The following VAC14 variants were observed in gnomAD, a reference collection of about 807,000 sequenced individuals.
VAC14 encodes the protein VAC14 component of PIKFYVE complex, also known as protein VAC14 homolog.
VAC14 carries 47 observed loss-of-function variants against 85.3 expected under a neutral mutation model. That is an observed-to-expected ratio of 0.55 (90% CI 0.44 to 0.70). VAC14 has a LOEUF of 0.70. Ranked by LOEUF, VAC14 falls within the 30% of genes least tolerant of loss-of-function variation. The pLI is 0.00. For synonymous variants in VAC14, 447 were observed against 430.5 expected (o/e 1.04, Z -0.47); for missense variants, 861 against 1,004.3 (o/e 0.86, Z 1.93).
chr16:70,695,473 T>C, intron 17 of VAC14, 71 bp downstream of exon 17: 1 of 1,522,204 alleles, frequency 6.6e-7, no homozygotes, highest in Non-Finnish European at 9.1e-7. Context: ...AACTGGAGCT[T>C]GACTTCACCC....
intron 13 of VAC14, among the ~76,000 whole-genome samples, chr16:70,744,204 A>G (rs935025152): frequency 6.6e-6 from 1 of 152,144 alleles, no homozygotes; most frequent in African/African-American, 2.4e-5. Flanking sequence ...ATGCAGAGAA[A>G]GTCCTGTGAG....
At position 70,722,748 on chromosome 16, in the gene VAC14, T is replaced by C. The variant is rs116062687; in HGVS notation, c.1661+8747A>G. Among the ~76,000 whole-genome samples, 1,127 of 152,296 alleles carry C rather than the reference T, an allele frequency of 7.4e-3. 15 individuals carry two copies. The highest frequency in any genetic ancestry group is 0.026 in the African/African-American group (1,076 of 41,550). The stretch of plus-strand genomic sequence containing the variant: ...GAGGCAGAGGATGGAAAATGGCTTC[T>C]AGGGGCCAGTTCCAAACCTACCACT... On this transcript the variant is annotated intron_variant, in intron 14 of 18. Coordinates refer to ENST00000261776, the MANE Select transcript of VAC14 (RefSeq NM_018052.5).
In VAC14 at chr16:70,786,652, C is replaced by T. The variant is rs193207520; in HGVS notation, c.105-287G>A. Among the ~76,000 whole-genome samples, 174 of 152,324 alleles carry T rather than the reference C, an allele frequency of 1.1e-3. 3 individuals are homozygous for T. Among genetic ancestry groups the T allele is most frequent in the Admixed American group, 3.3e-3 (50 of 15,306 alleles). On this transcript the variant is annotated intron_variant, in intron 1 of 18. Transcript: ENST00000261776. ...TGTGTCACTGGGGACCAAAAAAGTG[C>T]AATGCATTATCAGTTGATCAACTGT...
At chr16:70,796,852 A>G (rs945710474) in intron 1 of VAC14, among the ~76,000 whole-genome samples, 4 of 152,134 alleles carry the variant, frequency 2.6e-5, no homozygotes, top group Non-Finnish European at 5.9e-5. Context: ...GGATTTGGAG[A>G]GAGGGCCTAT....
intron 13 of VAC14, among the ~76,000 whole-genome samples, chr16:70,739,915 A>C (rs1177610782): frequency 6.6e-6 from 1 of 152,126 alleles, no homozygotes; most frequent in Non-Finnish European, 1.5e-5. Context: ...GGATAAAAAC[A>C]CCTTGGACCA....
intron 5 of VAC14, 48 bp downstream of exon 5, chr16:70,784,065 G>C: frequency 6.5e-7 from 1 of 1,545,238 alleles, no homozygotes; most frequent in Non-Finnish European, 8.9e-7. Flanking sequence ...CTAGAGAGCA[G>C]ATTTTCCAAA....
intron 14 of VAC14, among the ~76,000 whole-genome samples, chr16:70,719,082 C>T (rs368681879): frequency 1.5e-4 from 23 of 152,298 alleles, no homozygotes; most frequent in Admixed American, 2.6e-4. Flanking sequence ...GCCTGGCTGC[C>T]GCAGAAGCCC....
At chr16:70,788,173 T>C (rs929924715) in intron 1 of VAC14, among the ~76,000 whole-genome samples, 5 of 152,204 alleles carry the variant, frequency 3.3e-5, no homozygotes, top group African/African-American at 9.6e-5. Context: ...AGCTTTCTAA[T>C]AGTTAGAGCT....
chr16:70,725,161 G>A (rs924268738), intron 14 of VAC14, among the ~76,000 whole-genome samples: 3 of 152,120 alleles, frequency 2.0e-5, no homozygotes, highest in Non-Finnish European at 2.9e-5. Context: ...CTGGGGGCCC[G>A]GCCAATGCCT....
chr16:70,739,668 C>T (rs960995476), intron 13 of VAC14, among the ~76,000 whole-genome samples: 3 of 152,166 alleles, frequency 2.0e-5, no homozygotes, highest in Non-Finnish European at 4.4e-5. Flanking sequence ...CCCAAAAAGC[C>T]AGCACGCGTG....
chr16:70,787,306 T>C (rs1321533343), intron 1 of VAC14, among the ~76,000 whole-genome samples: 2 of 152,134 alleles, frequency 1.3e-5, no homozygotes, highest in Admixed American at 1.3e-4. Flanking sequence ...GGACTGTTTC[T>C]AGAATTAAAT....
intron 9 of VAC14, among the ~76,000 whole-genome samples, chr16:70,777,087 G>A (rs1167285396): frequency 6.6e-6 from 1 of 151,928 alleles, no homozygotes; most frequent in Non-Finnish European, 1.5e-5. Flanking sequence ...GATTACAGGT[G>A]TGAGCCACCG....
At chr16:70,697,309 C>T in intron 15 of VAC14, 52 bp from the exon 16 acceptor site, 1 of 1,513,632 alleles carries the variant, frequency 6.6e-7, no homozygotes, top group East Asian at 2.3e-5. Flanking sequence ...CTTGCCCCTA[C>T]CCGGTCCACG....
intron 18 of VAC14, chr16:70,690,855 G>A (rs892087005): frequency 5.1e-6 from 5 of 985,376 alleles, no homozygotes; most frequent in Admixed American, 6.2e-5. Context: ...TTCCTAGGTC[G>A]TTGCAAAGTA....
In VAC14 at chr16:70,800,954, G is replaced by A; in HGVS notation, c.-54C>T. On this transcript the variant is annotated 5_prime_UTR_variant, in exon 1 of 19. Coordinates refer to ENST00000261776, the MANE Select transcript of VAC14 (RefSeq NM_018052.5). ...CTTAGCCCGCGGCTGCCGGGGCCGCGCCGGGGCCAGGGGAGTCTGCGGCTC... is the reference window on the plus strand; with the variant it reads ...CTTAGCCCGCGGCTGCCGGGGCCGCACCGGGGCCAGGGGAGTCTGCGGCTC... 1 of 1,396,864 alleles carries A rather than the reference G, an allele frequency of 7.2e-7. No homozygotes were observed. The highest frequency in any genetic ancestry group is 9.7e-7 in the Non-Finnish European group (1 of 1,035,836). 86.5% of individuals were successfully genotyped at this position (1,396,864 alleles called of 1,614,324 possible). A position where few individuals can be genotyped will look rare whatever the true frequency, so the allele number is the denominator to read the frequency against.
intron 14 of VAC14, among the ~76,000 whole-genome samples, chr16:70,711,626 C>T (rs1183431866): frequency 6.6e-6 from 1 of 152,162 alleles, no homozygotes; most frequent in Non-Finnish European, 1.5e-5. Flanking sequence ...GCCTGGCCCA[C>T]CTGCATAGCC....
At chr16:70,710,816 C>T (rs377560662) in intron 14 of VAC14, among the ~76,000 whole-genome samples, 4 of 152,352 alleles carry the variant, frequency 2.6e-5, no homozygotes, top group African/African-American at 9.6e-5. Context: ...TCAACATTTC[C>T]CTCCCCCAAA....
chr16:70,746,745 G>C (rs1323324561), intron 12 of VAC14, among the ~76,000 whole-genome samples: 1 of 152,192 alleles, frequency 6.6e-6, no homozygotes, highest in South Asian at 2.1e-4. Context: ...ATGACGCCGC[G>C]GTCCTGCCCG....
At chr16:70,712,946 T>C (rs779246894) in intron 14 of VAC14, among the ~76,000 whole-genome samples, 3 of 152,152 alleles carry the variant, frequency 2.0e-5, no homozygotes, top group Non-Finnish European at 4.4e-5. Flanking sequence ...CTGGCCACGA[T>C]AGTGGAGCTT....
Sources: allele counts gnomAD v4.1 joint callset (sites outside exome capture counted in the v4.1 genomes callset), GRCh38; gene constraint gnomAD v4.1.1; transcripts MANE v1.5; gene names NCBI Gene and HGNC (gene_info 2026-07-23, HGNC 2026-07-21).